Variants in MFSD1 observed in about 807,000 individuals in gnomAD.
MFSD1 encodes the protein lysosomal dipeptide transporter MFSD1.
Under a neutral mutation model 67.1 loss-of-function variants are expected in MFSD1, and 59 were observed. That is an observed-to-expected ratio of 0.88 (90% CI 0.71 to 1.09). The LOEUF (loss-of-function observed/expected upper bound fraction) is 1.09, where lower values mean the gene tolerates loss of function less well. Ranked by LOEUF, MFSD1 falls within the 50% of genes least tolerant of loss-of-function variation. The pLI is 0.00. For synonymous variants in MFSD1, 213 were observed against 200.3 expected (o/e 1.06, Z -0.54); for missense variants, 552 against 566.1 (o/e 0.97, Z 0.25).
intron 7 of MFSD1, among the ~76,000 whole-genome samples, chr3:158,817,470 G>A (rs1730430936): frequency 6.6e-6 from 1 of 152,132 alleles, no homozygotes; most frequent in Admixed American, 6.5e-5. Context: ...CAAACAGAGA[G>A]CCAAATCATG....
In MFSD1 at chr3:158,828,997, T is replaced by C. The variant is rs770531456; in HGVS notation, c.*15T>C. On this transcript the variant is annotated 3_prime_UTR_variant, in exon 16 of 16. Transcript: ENST00000415822. ...TTTGCAGATGAGAAGTTAAAATGAA[T>C]GTGTCATGAGAATGGGCTTAACACA... 1 of 1,604,730 alleles carries C rather than the reference T, an allele frequency of 6.2e-7. No individual in the cohort carries two copies. The highest frequency in any genetic ancestry group is 8.5e-7 in the Non-Finnish European group (1 of 1,175,778).
At chr3:158,815,638 T>G (rs1177404901) in intron 7 of MFSD1, among the ~76,000 whole-genome samples, 1 of 150,564 alleles carries the variant, frequency 6.6e-6, no homozygotes, top group Non-Finnish European at 1.5e-5. Flanking sequence ...CAAGTAGACT[T>G]TTTTTTTTCT....
chr3:158,826,360 C>G (rs2108238044), intron 14 of MFSD1, among the ~76,000 whole-genome samples: 1 of 151,834 alleles, frequency 6.6e-6, no homozygotes, highest in Non-Finnish European at 1.5e-5. Context: ...AACCTAAAGC[C>G]CCTCTGTGTT....
chr3:158,821,402 T>C (rs1730660681), intron 9 of MFSD1, among the ~76,000 whole-genome samples, 195 bp from the exon 10 acceptor site: 1 of 152,230 alleles, frequency 6.6e-6, no homozygotes, highest in Non-Finnish European at 1.5e-5. Context: ...ATATGCATCA[T>C]ATGTCATTTA....
rs771848207 is a variant in MFSD1, at chr3:158,802,101, G to A, written c.-52G>A. 2.5e-6 allele frequency: 4 copies of A among 1,598,476 alleles called. No individual in the cohort carries two copies. Among genetic ancestry groups the A allele is most frequent in the African/African-American group, 2.7e-5 (2 of 74,818 alleles). On this transcript the variant is annotated 5_prime_UTR_variant, in exon 1 of 16. Coordinates refer to ENST00000415822, the MANE Select transcript of MFSD1 (RefSeq NM_022736.4). ...CAGTGTTCCACGGGCGCTGCTTCCTGCCTGGGTTTGGAGTTGTCACCACTT... is the reference window on the plus strand; with the variant it reads ...CAGTGTTCCACGGGCGCTGCTTCCTACCTGGGTTTGGAGTTGTCACCACTT...
chr3:158,816,243 T>G (rs1730336653), intron 7 of MFSD1, among the ~76,000 whole-genome samples: 1 of 152,224 alleles, frequency 6.6e-6, no homozygotes, highest in Non-Finnish European at 1.5e-5. Context: ...ACTTCCACGA[T>G]GGTTGAACTA....
intron 5 of MFSD1, 100 bp downstream of exon 5, chr3:158,807,563 C>T: frequency 1.0e-6 from 1 of 960,332 alleles, no homozygotes; most frequent in Non-Finnish European, 1.6e-6. Context: ...GGAATTACTT[C>T]AAATCTTTGA....
chr3:158,821,835 T>C, intron 10 of MFSD1, 149 bp from the exon 11 acceptor site: 3 of 1,020,820 alleles, frequency 2.9e-6, no homozygotes, highest in Non-Finnish European at 4.3e-6. Context: ...CAAAGAAGTC[T>C]TGAACTGCTT....
At chr3:158,827,964 G>GAC (rs1731091657) in intron 15 of MFSD1, among the ~76,000 whole-genome samples, 5 of 106,896 alleles carry the variant, frequency 4.7e-5, no homozygotes, top group East Asian at 5.4e-4. Flanking sequence ...GAGAGAGAGA[G>GAC]AGAGAGAGAG....
At chr3:158,823,594 C>T in intron 12 of MFSD1, 69 bp downstream of exon 12, 1 of 1,157,188 alleles carries the variant, frequency 8.6e-7, no homozygotes, top group South Asian at 1.2e-5. Context: ...ATATAAAACT[C>T]CAGATCTGAA....
rs368696367 is a variant in MFSD1 at position 158,823,414 on chromosome 3, G to T, written c.1078-14G>T. The T allele has an allele frequency of 5.1e-6, 8 of 1,577,588 alleles. No individual in the cohort carries two copies. The highest frequency in any genetic ancestry group is 1.7e-4 in the Middle Eastern group (1 of 6,030). The stretch of plus-strand genomic sequence containing the variant: ...AATGTAAGACTGTGACCTTTTCTGC[G>T]TTGCTTTCTGTAGTGTCTTCTGGGA... On this transcript the variant is annotated splice_polypyrimidine_tract_variant and intron_variant, in intron 11 of 15. Transcript: ENST00000415822.
intron 14 of MFSD1, among the ~76,000 whole-genome samples, chr3:158,826,923 C>A (rs1730998587): frequency 6.6e-6 from 1 of 152,120 alleles, no homozygotes; most frequent in South Asian, 2.1e-4. Flanking sequence ...CCGCCTTAGC[C>A]TGGGATTTAC....
At chr3:158,820,358 G>C (rs374302947) in intron 9 of MFSD1, 32 bp downstream of exon 9, 1 of 1,421,556 alleles carries the variant, frequency 7.0e-7, no homozygotes, top group South Asian at 1.2e-5. Flanking sequence ...ATTATTTCTT[G>C]TCTAAATTAT....
intron 2 of MFSD1, among the ~76,000 whole-genome samples, chr3:158,804,742 G>A (rs1023911071): frequency 2.6e-5 from 4 of 152,114 alleles, no homozygotes; most frequent in Non-Finnish European, 2.9e-5. Context: ...GGTTTTAGTT[G>A]TTATTTTGTT....
rs570129814 is a variant in MFSD1 at position 158,803,852 on chromosome 3, T to C, written c.164-467T>C. Among the ~76,000 whole-genome samples the C allele has an allele frequency of 4.6e-5, 7 of 152,292 alleles. No homozygotes were observed. The South Asian group carries it at 1.2e-3, about 27-fold the overall frequency. ...ACTAAATTATTTGATTTTGGGTAGTTTGTAGAATTAGAGAACTTGTTTCAA... is the reference window on the plus strand; with the variant it reads ...ACTAAATTATTTGATTTTGGGTAGTCTGTAGAATTAGAGAACTTGTTTCAA... On this transcript the variant is annotated intron_variant, in intron 1 of 15. Transcript: ENST00000415822.
intron 2 of MFSD1, 53 bp downstream of exon 2, chr3:158,804,424 C>T (rs994866003): frequency 1.4e-5 from 20 of 1,460,982 alleles, no homozygotes; most frequent in South Asian, 3.5e-5. Context: ...GCAAGTGTAG[C>T]GGTGGAGGCA....
At chr3:158,825,989 A>T in intron 13 of MFSD1, 26 bp from the exon 14 acceptor site, 3 of 1,591,602 alleles carry the variant, frequency 1.9e-6, no homozygotes, top group Non-Finnish European at 2.6e-6. Context: ...ACATATTTTA[A>T]GGGCCCTATG....
At chr3:158,818,151 G>A (rs1326760871) in intron 7 of MFSD1, among the ~76,000 whole-genome samples, 1 of 152,132 alleles carries the variant, frequency 6.6e-6, no homozygotes, top group African/African-American at 2.4e-5. Flanking sequence ...GCTGTAGAGA[G>A]ACCTGTGTGA....
intron 2 of MFSD1, 72 bp downstream of exon 2, chr3:158,804,443 C>T (rs983544513): frequency 8.3e-6 from 10 of 1,209,612 alleles, no homozygotes; most frequent in Non-Finnish European, 1.2e-5. Context: ...CATTATCAAC[C>T]CTCAGGTGCC....
Sources: gnomAD v4.1 joint callset for allele counts (sites outside exome capture counted in the v4.1 genomes callset) on GRCh38, gnomAD v4.1.1 for gene constraint, MANE v1.5 for transcripts, NCBI Gene and HGNC (gene_info 2026-07-23, HGNC 2026-07-21) for gene names.